Variants in PDE3A observed in about 807,000 individuals in gnomAD.
PDE3A encodes cGMP-inhibited 3',5'-cyclic phosphodiesterase 3A.
PDE3A carries 43 observed loss-of-function variants against 98.3 expected under a neutral mutation model. The observed-to-expected ratio is 0.44, with a 90% CI of 0.34 to 0.56. The LOEUF (loss-of-function observed/expected upper bound fraction) is 0.56, where lower values mean the gene tolerates loss of function less well. Among genes scored for constraint, PDE3A ranks in the 20% least tolerant of loss-of-function variants. The pLI, the probability that PDE3A is intolerant of heterozygous loss-of-function variation, is 0.01. For missense variants in PDE3A, 1,427 were observed against 1,440.7 expected (o/e 0.99, Z 0.15); for synonymous variants, 663 against 567.9 (o/e 1.17, Z -2.38).
At chr12:20,605,250 G>C (rs1282719474) in intron 2 of PDE3A, among the ~76,000 whole-genome samples, 2 of 152,062 alleles carry the variant, frequency 1.3e-5, no homozygotes, top group Non-Finnish European at 2.9e-5. Context: ...CTTACCTATT[G>C]GGAGAAGTAT....
intron 15 of PDE3A, among the ~76,000 whole-genome samples, chr12:20,673,400 C>T (rs1294263086): frequency 3.4e-5 from 5 of 145,340 alleles, no homozygotes; most frequent in South Asian, 2.3e-4. Context: ...CACATGCACA[C>T]GTATGTTTAT....
rs1220341354 is a variant in PDE3A at position 20,450,812 on chromosome 12, T to C, written c.960+80568T>C. ...CAAATGAAGATGCATGTCAGAATGT[T>C]GAGCTGGTCAGGTCTCACTAGGGAT... is the stretch of plus-strand genomic sequence containing the variant. On this transcript the variant is annotated intron_variant, in intron 1 of 15. Coordinates refer to ENST00000359062, the MANE Select transcript of PDE3A (RefSeq NM_000921.5). Among the ~76,000 whole-genome samples, 5 of 152,242 alleles carry C rather than the reference T, an allele frequency of 3.3e-5. No homozygotes were observed. In the East Asian group the frequency reaches 5.8e-4, roughly 18 times the overall value.
At chr12:20,572,311 T>C (rs1017766187) in intron 2 of PDE3A, 4 of 270,506 alleles carry the variant, frequency 1.5e-5, no homozygotes, top group African/African-American at 4.6e-5. Context: ...ATTTATTAAA[T>C]GTATTTTTAG....
intron 1 of PDE3A, among the ~76,000 whole-genome samples, chr12:20,428,492 A>G (rs185483214): frequency 0.04 from 6,104 of 152,152 alleles, 164 homozygotes; most frequent in South Asian, 0.059. Context: ...CGTGTTTGCC[A>G]GGATGGTCTC....
intron 1 of PDE3A, among the ~76,000 whole-genome samples, chr12:20,469,719 A>C (rs991410682): frequency 1.3e-5 from 2 of 152,218 alleles, no homozygotes; most frequent in Admixed American, 6.5e-5. Context: ...TAACATAATA[A>C]ATTTTTAGGT....
At chr12:20,663,371 G>A (rs1254573219) in intron 15 of PDE3A, among the ~76,000 whole-genome samples, 1 of 152,190 alleles carries the variant, frequency 6.6e-6, no homozygotes, top group Non-Finnish European at 1.5e-5. Context: ...CCCCGGAATG[G>A]TAGATCCACC....
chr12:20,559,890 T>A (rs903620244), intron 2 of PDE3A, among the ~76,000 whole-genome samples: 1 of 152,160 alleles, frequency 6.6e-6, no homozygotes, highest in Admixed American at 6.5e-5. Context: ...TGAATATATG[T>A]GAATTTTTTT....
intron 1 of PDE3A, among the ~76,000 whole-genome samples, chr12:20,495,296 C>G (rs1463220306): frequency 1.3e-5 from 2 of 151,896 alleles, no homozygotes; most frequent in African/African-American, 4.8e-5. Flanking sequence ...TGGCACTTAG[C>G]ATAACAGCTA....
intron 1 of PDE3A, among the ~76,000 whole-genome samples, chr12:20,411,040 C>G (rs1201619390): frequency 6.6e-6 from 1 of 152,108 alleles, no homozygotes; most frequent in Admixed American, 6.5e-5. Flanking sequence ...ACCATTTACC[C>G]CATCTTCTAA....
chr12:20,616,275 T>C lies in PDE3A; in HGVS notation c.1315T>C (p.Ser439Pro). The C allele has an allele frequency of 6.2e-7, 1 of 1,613,970 alleles. No homozygotes were observed. Among genetic ancestry groups the C allele is most frequent in the Non-Finnish European group, 8.5e-7 (1 of 1,179,938 alleles). ...TCCTGGCTTGTTGAGACGAGTTTCTTCCACTTGGACCACCACCACCTCGGC... is the reference window on the plus strand; with the variant it reads ...TCCTGGCTTGTTGAGACGAGTTTCTCCCACTTGGACCACCACCACCTCGGC... Reference protein sequence around the residue: ...LPPGLLRRVSSTWTTTTSATG... With the variant: ...LPPGLLRRVSPTWTTTTSATG... The change falls in exon 4 of 16, where the codon TCC (serine) becomes CCC (proline). Residue 439 changes from serine to proline, a missense_variant. Around this residue, in one of 3 missense-constraint regions of PDE3A, gnomAD observed 1,012 missense variants for 886.5 expected, o/e 1.14. Coordinates refer to ENST00000359062, the MANE Select transcript of PDE3A (RefSeq NM_000921.5).
At position 20,369,868 on chromosome 12, in the gene PDE3A, T is replaced by G. The variant is rs890279331; in HGVS notation, c.584T>G (p.Leu195Arg). ...TCACTCCCCGCCGCGGGGGTGGTGC[T>G]CAGCTGCTTGGCCGCCGCGACATGG... is the stretch of plus-strand genomic sequence containing the variant. ...LLSLPAAGVV[L>R]SCLAAATWLV... The change falls in exon 1 of 16, where the codon CTC (leucine) becomes CGC (arginine). Residue 195 changes from leucine (L) to arginine (R), a missense_variant. By Grantham distance (102) the Leu-to-Arg change is moderately radical. Coordinates refer to ENST00000359062, the MANE Select transcript of PDE3A (RefSeq NM_000921.5). 1 of 1,612,664 alleles carries G rather than the reference T, an allele frequency of 6.2e-7. No individual in the cohort carries two copies. The highest frequency in any genetic ancestry group is 1.3e-5 in the African/African-American group (1 of 74,906).
In PDE3A at chr12:20,535,394, G is replaced by A. The variant is rs191308562; in HGVS notation, c.961-21266G>A. Among the ~76,000 whole-genome samples the A allele has an allele frequency of 2.6e-3, 403 of 152,290 alleles. 1 individual carries two copies. Among genetic ancestry groups the A allele is most frequent in the Admixed American group, 4.4e-3 (67 of 15,294 alleles). On this transcript the variant is annotated intron_variant, in intron 1 of 15. Transcript: ENST00000359062. Reference sequence around the variant, plus strand: ...CCATTCATATGTGGAGGAATAAAATGTAGAGAGTAAGAGTTAGTGTTTCAA... The same window carrying A: ...CCATTCATATGTGGAGGAATAAAATATAGAGAGTAAGAGTTAGTGTTTCAA...
chr12:20,631,212 G>GT (rs1287420574), intron 6 of PDE3A, among the ~76,000 whole-genome samples: 1 of 152,034 alleles, frequency 6.6e-6, no homozygotes, highest in Non-Finnish European at 1.5e-5. Flanking sequence ...CCCTCTATGA[G>GT]TTTTTTAATA....
intron 2 of PDE3A, among the ~76,000 whole-genome samples, chr12:20,593,198 G>A (rs957276118): frequency 6.6e-6 from 1 of 152,146 alleles, no homozygotes; most frequent in Non-Finnish European, 1.5e-5. Context: ...GAAATGAAGT[G>A]GTAGGCAGAA....
At chr12:20,414,767 ATACT>A (rs1254132480) in intron 1 of PDE3A, among the ~76,000 whole-genome samples, 1 of 152,208 alleles carries the variant, frequency 6.6e-6, no homozygotes, top group Non-Finnish European at 1.5e-5. Context: ...CCAAGTACAA[ATACT>A]TACATAACAA....
intron 1 of PDE3A, among the ~76,000 whole-genome samples, chr12:20,393,237 G>A (rs1275621879): frequency 1.3e-5 from 2 of 151,886 alleles, no homozygotes; most frequent in African/African-American, 4.8e-5. Flanking sequence ...CACATGGCTG[G>A]GGAAGCCTCA....
At position 20,421,598 on chromosome 12, in the gene PDE3A, T is replaced by A. The variant is rs75195542; in HGVS notation, c.960+51354T>A. ...GTACTCCTCAGAGTTTTATTGGTAA[T>A]AAAAAAAAAAAAAAAAACCACCCAT... On this transcript the variant is annotated intron_variant, in intron 1 of 15. Coordinates refer to ENST00000359062, the MANE Select transcript of PDE3A (RefSeq NM_000921.5). Among the ~76,000 whole-genome samples, 841 of 114,892 alleles carry A rather than the reference T, an allele frequency of 7.3e-3. 1 individual carries two copies. Among genetic ancestry groups the A allele is most frequent in the Middle Eastern group, 0.018 (4 of 224 alleles). 75.4% of individuals were successfully genotyped at this position (114,892 alleles called of 152,430 possible).
intron 5 of PDE3A, among the ~76,000 whole-genome samples, chr12:20,627,432 G>C (rs1944290616): frequency 6.6e-6 from 1 of 151,836 alleles, no homozygotes; most frequent in Non-Finnish European, 1.5e-5. Context: ...TTTTTGCTAA[G>C]CTGCCAGCCA....
At chr12:20,438,493 G>C (rs967523376) in intron 1 of PDE3A, among the ~76,000 whole-genome samples, 5 of 152,316 alleles carry the variant, frequency 3.3e-5, no homozygotes, top group Middle Eastern at 3.4e-3. Context: ...TGGTTCAAAA[G>C]TTATTCATCT....
Sources: gnomAD v4.1 joint callset for allele counts (sites outside exome capture counted in the v4.1 genomes callset) on GRCh38, gnomAD v4.1.1 for gene constraint, gnomAD v4.1.1 regional missense constraint, MANE v1.5 for transcripts, NCBI Gene and HGNC (gene_info 2026-07-23, HGNC 2026-07-21) for gene names.